HSPA4: variants seen among roughly 807,000 people sequenced by gnomAD.
HSPA4 encodes the protein heat shock 70 kDa protein 4.
In HSPA4, 25 loss-of-function variants were observed where a neutral mutation model predicts 106.2. That is an observed-to-expected ratio of 0.24 (90% confidence interval 0.17 to 0.33). The LOEUF (loss-of-function observed/expected upper bound fraction) is 0.33. HSPA4 is among the 10% of genes least tolerant of loss of function. HSPA4 has a pLI of 1.00. For synonymous variants in HSPA4, 332 were observed against 333.6 expected, an observed-to-expected ratio of 1.00 and a Z score of 0.05; for missense variants, 841 against 996.0, an observed-to-expected ratio of 0.84 and a Z score of 2.10.
rs138343531 is a variant in HSPA4, at chr5:133,105,141, C to T, written c.*705C>T. 6.6e-6 allele frequency: 1 copy of T among 152,296 alleles called. No individual in the cohort carries two copies. The highest frequency in any genetic ancestry group is 2.4e-5 in the African/African-American group (1 of 41,562). The allele number at this position is 152,296 out of a possible 1,614,324, so 9.4% of individuals were successfully genotyped here. ...TCATGAATACCCCAAGCATCAAGGT[C>T]TAAATAATTTTCAGAAGATTAGAAT... On this transcript the variant is annotated 3_prime_UTR_variant, in exon 19 of 19. Coordinates refer to ENST00000304858, the MANE Select transcript of HSPA4 (RefSeq NM_002154.4).
chr5:133,095,978 T>C lies in HSPA4; in HGVS notation c.1651-120T>C, dbSNP rs1765706267. 4 of 720,778 alleles carry C rather than the reference T, an allele frequency of 5.5e-6. No individual in the cohort carries two copies. In the South Asian group the frequency reaches 9.5e-5, roughly 17 times the overall value. 44.6% of individuals were successfully genotyped at this position (720,778 alleles called of 1,614,324 possible). On this transcript the variant is annotated intron_variant, in intron 13 of 18. Transcript: ENST00000304858. ...GATGTTATGGTAGTCCTAAGTTACT[T>C]AGATCATCATCAAAAGAGAACGAAG... is the stretch of plus-strand genomic sequence containing the variant.
intron 6 of HSPA4, 21 bp from the exon 7 acceptor site, chr5:133,076,629 GATTA>G (rs770622777): frequency 6.9e-6 from 11 of 1,601,274 alleles, no homozygotes; most frequent in South Asian, 2.2e-5. Flanking sequence ...TTAATTGTTA[GATTA>G]ATTCTCATTT....
intron 4 of HSPA4, among the ~76,000 whole-genome samples, chr5:133,072,558 G>GT (rs1174805848): frequency 2.0e-5 from 3 of 149,100 alleles, no homozygotes; most frequent in African/African-American, 5.0e-5. Context: ...CCAGCTAGTG[G>GT]TTTATTTTTT....
intron 2 of HSPA4, 36 bp downstream of exon 2, chr5:133,065,073 C>T (rs1315620135): frequency 1.9e-6 from 3 of 1,562,046 alleles, no homozygotes; most frequent in African/African-American, 1.4e-5. Flanking sequence ...TGACTTATTT[C>T]TCCTCTTCAT....
Position 133,089,603 on chromosome 5 carries a change from C to A in HSPA4, c.1286C>A (p.Ser429Tyr). Reference protein sequence around the residue: ...VFSKNHAAPFSKVLTFYRKEP... With the variant: ...VFSKNHAAPFYKVLTFYRKEP... ...TCCAAAAATCATGCTGCTCCTTTCT[C>A]TAAAGTTCTTACATTTTATAGAAAG... Residue 429 changes from serine (S) to tyrosine (Y), a missense_variant, in exon 11 of 19, where the codon TCT becomes TAT. By Grantham distance (144) the Ser-to-Tyr change is moderately radical. This residue lies in a region of HSPA4 where 162 missense variants were observed against 177.7 expected (regional missense o/e 0.91). Coordinates refer to ENST00000304858, the MANE Select transcript of HSPA4 (RefSeq NM_002154.4). 1 of 1,612,532 alleles carries A rather than the reference C, an allele frequency of 6.2e-7. No individual in the cohort carries two copies.
chr5:133,052,190 G>C lies in HSPA4; in HGVS notation c.-61G>C. ...TGCTTTCCACTCGCTAGCCCCGCCGGGGGTCCGTGTCCTGTCTCGGTGGCC... is the reference window on the plus strand; with the variant it reads ...TGCTTTCCACTCGCTAGCCCCGCCGCGGGTCCGTGTCCTGTCTCGGTGGCC... On this transcript the variant is annotated 5_prime_UTR_variant, in exon 1 of 19. Transcript: ENST00000304858. The C allele has an allele frequency of 8.5e-7, 1 of 1,170,332 alleles. No homozygotes were observed. The highest frequency in any genetic ancestry group is 1.2e-6 in the Non-Finnish European group (1 of 815,840). The allele number at this position is 1,170,332 out of a possible 1,614,324, so 72.5% of individuals were successfully genotyped here.
chr5:133,080,536 A>G (rs927932396), intron 7 of HSPA4, among the ~76,000 whole-genome samples: 2 of 151,448 alleles, frequency 1.3e-5, no homozygotes, highest in Middle Eastern at 3.4e-3. Context: ...ATAGTTTGAC[A>G]TTACAAATTT....
chr5:133,066,581 T>C (rs1765307922), intron 2 of HSPA4, among the ~76,000 whole-genome samples: 1 of 152,202 alleles, frequency 6.6e-6, no homozygotes. Context: ...AGCATTTCCC[T>C]GTTATTAACC....
In HSPA4 at chr5:133,067,525, G is replaced by T. The variant is rs1226284092; in HGVS notation, c.274G>T (p.Val92Leu). The change falls in exon 3 of 19, where the codon GTG becomes TTG. Residue 92 changes from valine to leucine, a missense_variant. Coordinates refer to ENST00000304858, the MANE Select transcript of HSPA4 (RefSeq NM_002154.4). ...AAAATCTAACCTTGCATATGATATTGTGCAGTTGCCTACAGGATTAACAGG... is the reference window on the plus strand; with the variant it reads ...AAAATCTAACCTTGCATATGATATTTTGCAGTTGCCTACAGGATTAACAGG... ...AEKSNLAYDI[V>L]QLPTGLTGIK... is the part of the protein sequence containing the mutation. The T allele has an allele frequency of 6.2e-7, 1 of 1,613,604 alleles. No homozygotes were observed. The highest frequency in any genetic ancestry group is 8.5e-7 in the Non-Finnish European group (1 of 1,179,688).
chr5:133,095,707 T>TA (rs548417728), intron 13 of HSPA4, among the ~76,000 whole-genome samples: 40 of 152,318 alleles, frequency 2.6e-4, no homozygotes, highest in African/African-American at 9.4e-4. Context: ...TTGTAGGAGA[T>TA]ATGTATTTTA....
At chr5:133,076,548 ACC>A (rs1011757558) in intron 6 of HSPA4, 104 bp from the exon 7 acceptor site, 95 of 968,796 alleles carry the variant, frequency 9.8e-5, no homozygotes, top group Middle Eastern at 2.9e-4. Context: ...CCTTAATGTA[ACC>A]CTCCCTCTTT....
At chr5:133,053,997 C>T (rs575637797) in intron 1 of HSPA4, among the ~76,000 whole-genome samples, 7 of 152,006 alleles carry the variant, frequency 4.6e-5, no homozygotes, top group Non-Finnish European at 7.4e-5. Flanking sequence ...TTTTCACCCT[C>T]AATTTTTGTC....
At chr5:133,084,259 A>G (rs1012788932) in intron 7 of HSPA4, among the ~76,000 whole-genome samples, 9 of 152,166 alleles carry the variant, frequency 5.9e-5, no homozygotes, top group African/African-American at 2.2e-4. Context: ...TGTTTGTTTC[A>G]CATGCCATTT....
At chr5:133,056,737 A>G (rs1230796884) in intron 1 of HSPA4, among the ~76,000 whole-genome samples, 1 of 152,188 alleles carries the variant, frequency 6.6e-6, no homozygotes, top group East Asian at 1.9e-4. Context: ...TGCTAGGGTA[A>G]GGGATATACT....
chr5:133,086,695 C>T, intron 7 of HSPA4, 87 bp from the exon 8 acceptor site: 1 of 894,110 alleles, frequency 1.1e-6, no homozygotes, highest in African/African-American at 1.6e-5. Context: ...TTGTTGTTAC[C>T]TGTTTTTTAT....
At chr5:133,097,926 T>TA (rs1393730845) in intron 15 of HSPA4, among the ~76,000 whole-genome samples, 41 of 150,910 alleles carry the variant, frequency 2.7e-4, no homozygotes, top group South Asian at 2.1e-4. Context: ...TTTTTTTTTT[T>TA]AATTTGAATA....
chr5:133,052,452 G>A, intron 1 of HSPA4, 95 bp downstream of exon 1: 1 of 867,472 alleles, frequency 1.2e-6, no homozygotes, highest in Non-Finnish European at 1.7e-6. Context: ...GCGGGCCGAG[G>A]AGTCGCCTCC....
intron 17 of HSPA4, among the ~76,000 whole-genome samples, chr5:133,102,556 T>C (rs1423150740): frequency 6.6e-6 from 1 of 152,202 alleles, no homozygotes; most frequent in Non-Finnish European, 1.5e-5. Flanking sequence ...TATTGAAGCC[T>C]CACTTTCCTT....
chr5:133,101,984 T>TGGTA, intron 17 of HSPA4, 106 bp downstream of exon 17: 1 of 777,740 alleles, frequency 1.3e-6, no homozygotes, highest in East Asian at 3.1e-5. Context: ...TGGAGTACAG[T>TGGTA]GGTACAATCT....
Sources: allele counts gnomAD v4.1 joint callset (sites outside exome capture counted in the v4.1 genomes callset), GRCh38; gene constraint gnomAD v4.1.1; regional missense constraint gnomAD v4.1.1; transcripts MANE v1.5; gene names NCBI Gene and HGNC (gene_info 2026-07-23, HGNC 2026-07-21).